NETO1: variants seen among roughly 807,000 people sequenced by gnomAD.
The protein encoded by NETO1 is neuropilin and tolloid-like protein 1.
In NETO1, 26 loss-of-function variants were observed where a neutral mutation model predicts 61.3. The ratio of observed to expected loss-of-function variants is 0.42; its 90% CI spans 0.31 to 0.59. The LOEUF is 0.59. Ranked by LOEUF, NETO1 falls within the 20% of genes least tolerant of loss-of-function variation. NETO1 has a pLI of 0.12. For synonymous variants in NETO1, 225 were observed against 225.8 expected (o/e 1.00, Z 0.03); for missense variants, 531 against 662.8 (o/e 0.80, Z 2.18).
chr18:72,815,154 G>T (rs2072992848), intron 4 of NETO1, among the ~76,000 whole-genome samples: 1 of 152,024 alleles, frequency 6.6e-6, no homozygotes, highest in Non-Finnish European at 1.5e-5. Context: ...TGTGTTTAAA[G>T]AACGGAACTC....
At position 72,745,397 on chromosome 18, in the gene NETO1, A is replaced by G. The variant is rs561700674; in HGVS notation, c.*2782T>C. ...ATGCTACCATTATTTTGAAAAGTGA[A>G]TGAAAACTTGAAAAAATAAAATGAA... On this transcript the variant is annotated 3_prime_UTR_variant, in exon 11 of 11. Transcript: ENST00000327305. 4 of 152,340 alleles carry G rather than the reference A, an allele frequency of 2.6e-5. No homozygotes were observed. Among genetic ancestry groups the G allele is most frequent in the African/African-American group, 9.6e-5 (4 of 41,592 alleles). 9.4% of individuals were successfully genotyped at this position (152,340 alleles called of 1,614,324 possible).
rs537690048 is a variant in NETO1, at chr18:72,830,518, T to C, written c.469+28308A>G. 6.6e-4 allele frequency among the ~76,000 whole-genome samples: 101 copies of C among 152,192 alleles called. No homozygotes were observed. Among genetic ancestry groups the C allele is most frequent in the Admixed American group, 3.1e-3 (48 of 15,292 alleles). On this transcript the variant is annotated intron_variant, in intron 4 of 10. Coordinates refer to ENST00000327305, the MANE Select transcript of NETO1 (RefSeq NM_138966.5). This position sits in a 1 kb window ranked among gnomAD's most constrained non-coding sequence, Gnocchi z 4.9. ...GACAAAAATAACAATGATCATAAGG[T>C]CTGAGGGTTGGCTTACAATTCCTCA...
intron 7 of NETO1, among the ~76,000 whole-genome samples, chr18:72,766,374 G>A (rs1261503064): frequency 6.6e-6 from 1 of 151,710 alleles, no homozygotes; most frequent in Non-Finnish European, 1.5e-5. Flanking sequence ...CAAAACAAAT[G>A]GAAAAATTTC....
chr18:72,853,268 G>A (rs1198469340), intron 4 of NETO1: 1 of 152,118 alleles, frequency 6.6e-6, no homozygotes, highest in Non-Finnish European at 1.5e-5. Flanking sequence ...CTCTGCTAGG[G>A]CTGAAATGAG....
At chr18:72,837,804 C>A (rs947625151) in intron 4 of NETO1, among the ~76,000 whole-genome samples, 7 of 152,178 alleles carry the variant, frequency 4.6e-5, no homozygotes, top group African/African-American at 1.7e-4. Flanking sequence ...ACAAACACCA[C>A]CACCAACAAA....
At chr18:72,765,119 C>A (rs2071109895) in intron 7 of NETO1, among the ~76,000 whole-genome samples, 1 of 152,168 alleles carries the variant, frequency 6.6e-6, no homozygotes, top group Non-Finnish European at 1.5e-5. Context: ...ACTCCTTGTA[C>A]CCCTTAGTAC....
Position 72,798,584 on chromosome 18 carries a change from T to TC in NETO1, c.470-4181dup, listed in dbSNP as rs531024259. Among the ~76,000 whole-genome samples the TC allele has an allele frequency of 2.1e-3, 314 of 152,260 alleles. 3 individuals carry two copies. The highest frequency in any genetic ancestry group is 7.4e-3 in the African/African-American group (307 of 41,564). On this transcript the variant is annotated intron_variant, in intron 4 of 10. Coordinates refer to ENST00000327305, the MANE Select transcript of NETO1 (RefSeq NM_138966.5). Reference sequence around the variant, plus strand: ...AGTCAAAATCCGCCACTTATTTTAGTCCGCATGTGACACACCCATTATTTT... The same window carrying TC: ...AGTCAAAATCCGCCACTTATTTTAGTCCCGCATGTGACACACCCATTATTTT...
At chr18:72,774,175 G>C (rs2071469032) in intron 7 of NETO1, among the ~76,000 whole-genome samples, 1 of 152,130 alleles carries the variant, frequency 6.6e-6, no homozygotes, top group African/African-American at 2.4e-5. Flanking sequence ...TGGTGCAAAA[G>C]TTGTAAAGAA....
At chr18:72,780,341 C>T (rs1240414355) in intron 7 of NETO1, among the ~76,000 whole-genome samples, 2 of 152,144 alleles carry the variant, frequency 1.3e-5, no homozygotes, top group South Asian at 4.1e-4. Context: ...AAAAGTCAAC[C>T]CACTTCAATG....
At chr18:72,849,230 T>C (rs2145561507) in intron 4 of NETO1, among the ~76,000 whole-genome samples, 1 of 152,208 alleles carries the variant, frequency 6.6e-6, no homozygotes, top group African/African-American at 2.4e-5. Context: ...TGCATAATGT[T>C]CTGCTTTTTT....
intron 9 of NETO1, 145 bp from the exon 10 acceptor site, chr18:72,749,233 G>T: frequency 1.7e-6 from 1 of 571,482 alleles, no homozygotes; most frequent in Non-Finnish European, 3.1e-6. Context: ...CAAATCAACT[G>T]AAGTATTTTA....
chr18:72,862,690 G>T (rs1244990110), intron 3 of NETO1, among the ~76,000 whole-genome samples: 1 of 145,732 alleles, frequency 6.9e-6, no homozygotes, highest in African/African-American at 2.6e-5. Flanking sequence ...GTGCGATCTC[G>T]GCTCACTGCA....
At chr18:72,743,661 G>A (rs913135609), downstream of NETO1, 3 of 152,116 alleles carry the variant, frequency 2.0e-5, no homozygotes, top group African/African-American at 7.2e-5. Flanking sequence ...AAGTACTTAG[G>A]AAGGAGCTTG....
chr18:72,769,028 C>T (rs1244355774), intron 7 of NETO1, among the ~76,000 whole-genome samples: 3 of 152,110 alleles, frequency 2.0e-5, no homozygotes, highest in Non-Finnish European at 2.9e-5. Context: ...CGCTGTACAG[C>T]GCGGCAAGCA....
intron 7 of NETO1, among the ~76,000 whole-genome samples, chr18:72,772,763 A>ATATATC (rs1555684142): frequency 6.1e-5 from 4 of 66,070 alleles, no homozygotes; most frequent in Non-Finnish European, 1.6e-4. Context: ...ATATATCTAT[A>ATATATC]TATATATATA....
chr18:72,847,784 T>C (rs577754404), intron 4 of NETO1, among the ~76,000 whole-genome samples: 103 of 152,344 alleles, frequency 6.8e-4, no homozygotes, highest in Admixed American at 1.8e-3. Context: ...CAAATTATTA[T>C]GTTCTCCATC....
intron 4 of NETO1, among the ~76,000 whole-genome samples, chr18:72,808,750 C>A (rs933310105): frequency 6.6e-6 from 1 of 152,212 alleles, no homozygotes; most frequent in African/African-American, 2.4e-5. Flanking sequence ...GAATATTAGA[C>A]CCTTCTAAAT....
intron 4 of NETO1, among the ~76,000 whole-genome samples, chr18:72,820,748 T>C (rs919672105): frequency 3.9e-5 from 6 of 152,164 alleles, no homozygotes; most frequent in Non-Finnish European, 8.8e-5. Flanking sequence ...CACAGAGAAC[T>C]CCTCCTCCCT....
rs550870539 is a variant in NETO1, at chr18:72,744,986, A to G, written c.*3193T>C. 6.6e-6 allele frequency: 1 copy of G among 152,324 alleles called. No individual in the cohort carries two copies. Among genetic ancestry groups the G allele is most frequent in the Admixed American group, 6.5e-5 (1 of 15,290 alleles). 9.4% of individuals were successfully genotyped at this position (152,324 alleles called of 1,614,324 possible). On this transcript the variant is annotated 3_prime_UTR_variant, in exon 11 of 11. Coordinates refer to ENST00000327305, the MANE Select transcript of NETO1 (RefSeq NM_138966.5). ...CTTAAGTGAATATTAAAGTAATGCC[A>G]ACCGTCTAAGTTACTTAACACTGAG...
Sources: allele counts gnomAD v4.1 joint callset (sites outside exome capture counted in the v4.1 genomes callset), GRCh38; gene constraint gnomAD v4.1.1; non-coding constraint Gnocchi (gnomAD v3.1); transcripts MANE v1.5; gene names NCBI Gene and HGNC (gene_info 2026-07-23, HGNC 2026-07-21).